NKAIN3: variants seen among roughly 807,000 people sequenced by gnomAD.
The protein encoded by NKAIN3 is sodium/potassium transporting ATPase interacting 3.
In NKAIN3, 25 loss-of-function variants were observed where a neutral mutation model predicts 30.2. The ratio of observed to expected loss-of-function variants is 0.83; its 90% CI spans 0.60 to 1.16. The LOEUF (loss-of-function observed/expected upper bound fraction) is 1.16, where lower values mean the gene tolerates loss of function less well. Ranked by LOEUF, NKAIN3 falls within the 50% of genes most tolerant of loss-of-function variation. The pLI is 0.00. For missense variants in NKAIN3, 225 were observed against 254.1 expected, an observed-to-expected ratio of 0.89 and a Z score of 0.78; for synonymous variants, 91 against 89.6, an observed-to-expected ratio of 1.02 and a Z score of -0.09.
At chr8:62,377,460 A>G (rs957884104) in intron 1 of NKAIN3, among the ~76,000 whole-genome samples, 17 of 152,194 alleles carry the variant, frequency 1.1e-4, no homozygotes, top group Admixed American at 1.1e-3. Flanking sequence ...TTTCAAGTAT[A>G]TGAATAGCAT....
At chr8:62,442,571 A>G (rs1805359280) in intron 1 of NKAIN3, among the ~76,000 whole-genome samples, 2 of 151,728 alleles carry the variant, frequency 1.3e-5, no homozygotes, top group Admixed American at 1.3e-4. Context: ...TGACTGGTTA[A>G]TGTTTCTTTT....
chr8:62,961,125 A>T (rs2130904990), intron 6 of NKAIN3, among the ~76,000 whole-genome samples: 1 of 152,186 alleles, frequency 6.6e-6, no homozygotes, highest in South Asian at 2.1e-4. Context: ...ACCAAAAAAT[A>T]AAAAAATTAG....
In NKAIN3 at chr8:62,303,736, T is replaced by C. The variant is rs952248150; in HGVS notation, c.54+54609T>C. Among the ~76,000 whole-genome samples the C allele has an allele frequency of 9.3e-5, 14 of 150,690 alleles. 3 individuals are homozygous for C. The highest frequency in any genetic ancestry group is 3.5e-4 in the African/African-American group (14 of 40,132). ...AAGTCAAATTGTTGAGACTGTATAA[T>C]TTAAAAAAGTGCATATTGAAAACAT... On this transcript the variant is annotated intron_variant, in intron 1 of 6. Transcript: ENST00000623646.
intron 4 of NKAIN3, among the ~76,000 whole-genome samples, chr8:62,905,126 A>T (rs1821738636): frequency 6.6e-6 from 1 of 152,178 alleles, no homozygotes; most frequent in South Asian, 2.1e-4. Context: ...TGGATCAACT[A>T]AAAAAATCAA....
chr8:62,409,366 T>C (rs1804170062), intron 1 of NKAIN3, among the ~76,000 whole-genome samples: 1 of 152,122 alleles, frequency 6.6e-6, no homozygotes, highest in Non-Finnish European at 1.5e-5. Flanking sequence ...GTATTTTTAG[T>C]AGAGATGGGG....
chr8:62,724,676 C>T (rs1209220723), intron 3 of NKAIN3, among the ~76,000 whole-genome samples: 1 of 152,016 alleles, frequency 6.6e-6, no homozygotes, highest in Non-Finnish European at 1.5e-5. Context: ...ATAATGACTT[C>T]CAGTTCCATC....
chr8:62,307,126 T>A (rs1250177351), intron 1 of NKAIN3, among the ~76,000 whole-genome samples: 2 of 150,012 alleles, frequency 1.3e-5, no homozygotes, highest in Non-Finnish European at 2.9e-5. Flanking sequence ...CTGCACCCCA[T>A]GAGTCCTTGG....
At chr8:62,514,290 A>G (rs1807915164) in intron 1 of NKAIN3, among the ~76,000 whole-genome samples, 1 of 152,112 alleles carries the variant, frequency 6.6e-6, no homozygotes, top group African/African-American at 2.4e-5. Flanking sequence ...TTTTTAGATA[A>G]TGCCACTAAT....
intron 5 of NKAIN3, among the ~76,000 whole-genome samples, chr8:62,931,761 A>G (rs1018401537): frequency 1.3e-5 from 2 of 152,206 alleles, no homozygotes; most frequent in Non-Finnish European, 2.9e-5. Flanking sequence ...TGAATACAGA[A>G]GACTTTACTC....
At chr8:62,709,705 T>C (rs1282645101) in intron 3 of NKAIN3, among the ~76,000 whole-genome samples, 1 of 152,114 alleles carries the variant, frequency 6.6e-6, no homozygotes, top group Non-Finnish European at 1.5e-5. Context: ...TATTTATTTT[T>C]TGTTTCAATT....
intron 1 of NKAIN3, among the ~76,000 whole-genome samples, chr8:62,555,306 T>A (rs1809352951): frequency 6.6e-6 from 1 of 152,088 alleles, no homozygotes; most frequent in Non-Finnish European, 1.5e-5. Context: ...ATATTTGACA[T>A]AGAATATTAA....
intron 1 of NKAIN3, among the ~76,000 whole-genome samples, chr8:62,330,115 T>C (rs1815289484): frequency 6.6e-6 from 1 of 151,966 alleles, no homozygotes; most frequent in Non-Finnish European, 1.5e-5. Flanking sequence ...GCATGGACGA[T>C]TCCAGATAGA....
chr8:62,673,015 A>G (rs1358208501), intron 3 of NKAIN3, among the ~76,000 whole-genome samples: 1 of 152,178 alleles, frequency 6.6e-6, no homozygotes, highest in African/African-American at 2.4e-5. Flanking sequence ...TATCTTATTT[A>G]TACTTTGCAA....
chr8:62,692,123 C>A (rs890068748), intron 3 of NKAIN3, among the ~76,000 whole-genome samples: 1 of 152,162 alleles, frequency 6.6e-6, no homozygotes, highest in Non-Finnish European at 1.5e-5. Context: ...CTCAAGGCCA[C>A]TTGAAGCCTA....
chr8:62,858,079 T>A (rs1240025740), intron 4 of NKAIN3, among the ~76,000 whole-genome samples: 7 of 152,172 alleles, frequency 4.6e-5, no homozygotes, highest in African/African-American at 1.4e-4. Context: ...GTTGTTGTTT[T>A]TCTTTGAACA....
chr8:62,655,097 G>T (rs1368769076), intron 3 of NKAIN3, among the ~76,000 whole-genome samples: 1 of 152,098 alleles, frequency 6.6e-6, no homozygotes, highest in Non-Finnish European at 1.5e-5. Context: ...TCTGTATAAG[G>T]GGTAAACAGA....
chr8:62,588,557 TA>T (rs1810552453), intron 2 of NKAIN3, among the ~76,000 whole-genome samples: 2 of 151,818 alleles, frequency 1.3e-5, no homozygotes, highest in African/African-American at 4.8e-5. Context: ...TTGAATTTCA[TA>T]AATAGTTAAA....
chr8:62,957,676 T>TTTCCC (rs1415512268), intron 6 of NKAIN3, among the ~76,000 whole-genome samples: 1 of 152,026 alleles, frequency 6.6e-6, no homozygotes, highest in African/African-American at 2.4e-5. Context: ...AAGGCAAAAC[T>TTTCCC]ATGGAGACAG....
chr8:62,939,281 T>C (rs940643993), intron 5 of NKAIN3, among the ~76,000 whole-genome samples: 3 of 152,132 alleles, frequency 2.0e-5, no homozygotes, highest in Admixed American at 1.3e-4. Flanking sequence ...GTAAGAATAA[T>C]TGGTGTTCCT....
Sources: gnomAD v4.1 joint callset for allele counts (sites outside exome capture counted in the v4.1 genomes callset) on GRCh38, gnomAD v4.1.1 for gene constraint, MANE v1.5 for transcripts, NCBI Gene and HGNC (gene_info 2026-07-23, HGNC 2026-07-21) for gene names.